The following PREP variants were observed in gnomAD, a reference collection of about 807,000 sequenced individuals.
The protein encoded by PREP is dJ355L5.1 (prolyl endopeptidase).
PREP carries 29 observed loss-of-function variants against 87.6 expected under a neutral mutation model. The observed-to-expected ratio is 0.33, with a 90% CI of 0.25 to 0.45. PREP has a LOEUF of 0.45. PREP is among the 20% of genes least tolerant of loss of function. PREP has a pLI of 1.00. For synonymous variants in PREP, 337 were observed against 328.6 expected (o/e 1.03, Z -0.28); for missense variants, 695 against 886.5 (o/e 0.78, Z 2.74).
intron 6 of PREP, among the ~76,000 whole-genome samples, chr6:105,367,793 T>C (rs902129736): frequency 1.6e-4 from 25 of 152,176 alleles, no homozygotes; most frequent in Admixed American, 6.5e-5. Flanking sequence ...AGATAGTCCA[T>C]ATTTTCAGCT....
chr6:105,332,237 A>C (rs1771353779), intron 8 of PREP, among the ~76,000 whole-genome samples: 1 of 152,084 alleles, frequency 6.6e-6, no homozygotes, highest in African/African-American at 2.4e-5. Flanking sequence ...GGACCAGCAG[A>C]AAGTGCCCAT....
At chr6:105,284,666 C>T (rs529808902) in intron 12 of PREP, among the ~76,000 whole-genome samples, 148 of 152,216 alleles carry the variant, frequency 9.7e-4, no homozygotes, top group Middle Eastern at 3.4e-3. Context: ...GTCCTCCCTC[C>T]CCCAAAGACA....
chr6:105,355,905 G>A (rs1207433494), intron 6 of PREP, among the ~76,000 whole-genome samples: 2 of 152,080 alleles, frequency 1.3e-5, no homozygotes, highest in Non-Finnish European at 2.9e-5. Context: ...CTCTAGAAGA[G>A]TATGTGGTTC....
chr6:105,344,068 A>G (rs1342298462), intron 7 of PREP, among the ~76,000 whole-genome samples: 2 of 152,248 alleles, frequency 1.3e-5, no homozygotes, highest in African/African-American at 4.8e-5. Context: ...AGACACATGC[A>G]CACGTATGTT....
intron 6 of PREP, among the ~76,000 whole-genome samples, chr6:105,358,547 C>T (rs1028082513): frequency 6.6e-6 from 1 of 152,026 alleles, no homozygotes; most frequent in African/African-American, 2.4e-5. Flanking sequence ...TGGTACTAAG[C>T]CTTTCATTTT....
Position 105,392,518 on chromosome 6 carries a change from C to T in PREP, c.120+5335G>A, listed in dbSNP as rs372288437. On this transcript the variant is annotated intron_variant, in intron 2 of 14. Transcript: ENST00000652536. ...AACTCAAAGCTTTTCCTTTACCTTA[C>T]TTTTGGCGTTTAGTTTGTATTTCCA... Among the ~76,000 whole-genome samples the T allele has an allele frequency of 3.9e-5, 6 of 152,266 alleles. No individual in the cohort carries two copies. The East Asian group carries it at 9.7e-4, about 25-fold the overall frequency.
chr6:105,317,343 T>C (rs1394264125), intron 10 of PREP, among the ~76,000 whole-genome samples: 1 of 152,130 alleles, frequency 6.6e-6, no homozygotes, highest in Non-Finnish European at 1.5e-5. Flanking sequence ...AGGATTAGCA[T>C]AGATCTGGAG....
chr6:105,310,680 G>C (rs751554998), intron 10 of PREP, among the ~76,000 whole-genome samples: 1 of 152,094 alleles, frequency 6.6e-6, no homozygotes, highest in African/African-American at 2.4e-5. Flanking sequence ...CTAGATGTGG[G>C]GCTGCCCCAG....
In PREP at chr6:105,356,022, ACT is replaced by A. The variant is rs199568822; in HGVS notation, c.718-2947_718-2946del. Among the ~76,000 whole-genome samples the A allele has an allele frequency of 5.1e-3, 771 of 151,586 alleles. 3 individuals are homozygous for A. The highest frequency in any genetic ancestry group is 0.017 in the African/African-American group (700 of 41,360). On this transcript the variant is annotated intron_variant, in intron 6 of 14. Transcript: ENST00000652536. The stretch of plus-strand genomic sequence containing the variant: ...TTATAAGTCCTTATATGTTAATTCT[ACT>A]CTCTGTTATTTCTGGATCTGTTTCT...
intron 1 of PREP, among the ~76,000 whole-genome samples, chr6:105,398,344 C>T (rs546036054): frequency 3.3e-4 from 50 of 152,314 alleles, no homozygotes; most frequent in African/African-American, 1.2e-3. Context: ...TTCTCCTGTT[C>T]CGCTGAGCTT....
chr6:105,327,474 C>T lies in PREP; in HGVS notation c.1213+1355G>A, dbSNP rs147284250. On this transcript the variant is annotated intron_variant, in intron 9 of 14. Coordinates refer to ENST00000652536, the MANE Select transcript of PREP (RefSeq NM_002726.5). ...AGCCTGGCTAGGTTTTCAAGGTATA[C>T]TATCAGACCTATTTACAGAACATCA... Among the ~76,000 whole-genome samples, 124 of 152,292 alleles carry T rather than the reference C, an allele frequency of 8.1e-4. 1 individual carries two copies. Among genetic ancestry groups the T allele is most frequent in the African/African-American group, 2.9e-3 (121 of 41,554 alleles).
At chr6:105,329,176 A>G in intron 8 of PREP, 150 bp from the exon 9 acceptor site, 1 of 724,208 alleles carries the variant, frequency 1.4e-6, no homozygotes. Context: ...TTTTTGAGAC[A>G]GGGTCTTGCT....
chr6:105,380,731 T>C (rs1168717411), intron 2 of PREP, among the ~76,000 whole-genome samples: 4 of 152,114 alleles, frequency 2.6e-5, no homozygotes, highest in Admixed American at 1.3e-4. Context: ...GACCCCAGCA[T>C]GCTGAGGGTC....
Position 105,371,795 on chromosome 6 carries a change from AG to A in PREP, c.595+1573del, listed in dbSNP as rs534093619. Among the ~76,000 whole-genome samples, 64 of 152,162 alleles carry A rather than the reference AG, an allele frequency of 4.2e-4. No homozygotes were observed. In the East Asian group the frequency reaches 9.8e-3, roughly 23 times the overall value. ...TGTAAGGCTCCCATCACAGTCTGAGAGGCTACTGAGATGTTGGCTTTCTTAT... is the reference window on the plus strand; with the variant it reads ...TGTAAGGCTCCCATCACAGTCTGAGAGCTACTGAGATGTTGGCTTTCTTAT... On this transcript the variant is annotated intron_variant, in intron 5 of 14. Coordinates refer to ENST00000652536, the MANE Select transcript of PREP (RefSeq NM_002726.5).
chr6:105,349,737 T>C (rs909163028), intron 7 of PREP, among the ~76,000 whole-genome samples: 5 of 152,084 alleles, frequency 3.3e-5, no homozygotes, highest in African/African-American at 1.2e-4. Flanking sequence ...ATTTTAGTAA[T>C]ATGAAATTGG....
intron 7 of PREP, among the ~76,000 whole-genome samples, chr6:105,339,346 C>A (rs761714161): frequency 3.3e-5 from 5 of 152,168 alleles, no homozygotes; most frequent in Admixed American, 1.3e-4. Context: ...GGAAAACAAA[C>A]AGAAAGGACA....
At chr6:105,385,563 G>T (rs1013943606) in intron 2 of PREP, among the ~76,000 whole-genome samples, 1 of 152,068 alleles carries the variant, frequency 6.6e-6, no homozygotes, top group Non-Finnish European at 1.5e-5. Context: ...GAAACAAAAT[G>T]GGGGGAAAAA....
intron 5 of PREP, among the ~76,000 whole-genome samples, chr6:105,370,437 G>A (rs1252002418): frequency 6.6e-6 from 1 of 152,088 alleles, no homozygotes; most frequent in African/African-American, 2.4e-5. Flanking sequence ...TGGCAGGAAT[G>A]CAAAATGGTG....
intron 10 of PREP, among the ~76,000 whole-genome samples, chr6:105,294,739 T>C (rs1270089395): frequency 1.3e-5 from 2 of 150,688 alleles, no homozygotes; most frequent in Admixed American, 1.3e-4. Context: ...GAATTTCTTC[T>C]GCAAAGAACT....
Sources: allele counts gnomAD v4.1 joint callset (sites outside exome capture counted in the v4.1 genomes callset), GRCh38; gene constraint gnomAD v4.1.1; transcripts MANE v1.5; gene names NCBI Gene and HGNC (gene_info 2026-07-23, HGNC 2026-07-21).